Variants in NPAS3 observed in about 807,000 individuals in gnomAD.
NPAS3 encodes the protein neuronal PAS domain protein 3.
NPAS3 carries 14 observed loss-of-function variants against 73.1 expected under a neutral mutation model. The observed-to-expected ratio is 0.19, with a 90% CI of 0.13 to 0.30. The LOEUF (loss-of-function observed/expected upper bound fraction) is 0.30, where lower values mean the gene tolerates loss of function less well. Among genes scored for constraint, NPAS3 ranks in the 10% least tolerant of loss-of-function variants. NPAS3 has a pLI of 1.00. For synonymous variants in NPAS3, 620 were observed against 541.5 expected, an observed-to-expected ratio of 1.14 and a Z score of -2.01; for missense variants, 1,096 against 1,250.0, an observed-to-expected ratio of 0.88 and a Z score of 1.86.
chr14:33,488,290 G>A (rs1344116431), intron 4 of NPAS3, among the ~76,000 whole-genome samples: 1 of 151,936 alleles, frequency 6.6e-6, no homozygotes, highest in Non-Finnish European at 1.5e-5. Flanking sequence ...GAACAAGCAG[G>A]AAGGTGGCAC....
intron 1 of NPAS3, among the ~76,000 whole-genome samples, chr14:32,996,311 C>G (rs1788120374): frequency 6.6e-6 from 1 of 152,124 alleles, no homozygotes; most frequent in African/African-American, 2.4e-5. Context: ...AGAAAATTTG[C>G]AACTGGATAA....
chr14:33,502,798 G>T (rs1368876828), intron 4 of NPAS3, among the ~76,000 whole-genome samples: 3 of 151,850 alleles, frequency 2.0e-5, no homozygotes, highest in African/African-American at 7.3e-5. Context: ...CTTACTGCAA[G>T]CTGTCCCCCA....
chr14:33,064,612 T>A (rs2041219414), intron 2 of NPAS3, among the ~76,000 whole-genome samples: 1 of 152,162 alleles, frequency 6.6e-6, no homozygotes. Flanking sequence ...AGTCGTAGAT[T>A]AGTTACCTCA....
chr14:33,097,779 G>A (rs2042465014), intron 2 of NPAS3, among the ~76,000 whole-genome samples: 1 of 152,138 alleles, frequency 6.6e-6, no homozygotes. Flanking sequence ...ATTTTCAAAT[G>A]TTTATGAGCC....
intron 4 of NPAS3, among the ~76,000 whole-genome samples, chr14:33,402,021 A>G (rs530566275): frequency 6.6e-5 from 10 of 152,250 alleles, no homozygotes; most frequent in Admixed American, 1.3e-4. Context: ...TGACCAAGGC[A>G]TGTCCCTACA....
chr14:33,801,403 A>C, downstream of NPAS3: 2 of 443,024 alleles, frequency 4.5e-6, no homozygotes, highest in Non-Finnish European at 8.1e-6. Flanking sequence ...GATGTCTTTC[A>C]TGTGTATATG....
chr14:33,012,888 C>T (rs1035743465), intron 1 of NPAS3, among the ~76,000 whole-genome samples: 13 of 152,106 alleles, frequency 8.5e-5, no homozygotes, highest in Non-Finnish European at 1.8e-4. Context: ...TATATATAAA[C>T]AGTGGCAAAG....
chr14:33,467,558 A>G (rs1016870581), intron 4 of NPAS3, among the ~76,000 whole-genome samples: 1 of 152,226 alleles, frequency 6.6e-6, no homozygotes, highest in Non-Finnish European at 1.5e-5. Context: ...AAAGAGAAAC[A>G]TGAACGCATC....
chr14:33,097,055 T>A (rs1488349454), intron 2 of NPAS3, among the ~76,000 whole-genome samples: 1 of 133,314 alleles, frequency 7.5e-6, no homozygotes, highest in Non-Finnish European at 1.7e-5. Context: ...TTGTTGCCAC[T>A]CTTTGTGCAA....
intron 5 of NPAS3, among the ~76,000 whole-genome samples, chr14:33,586,601 T>G (rs2056869927): frequency 6.6e-6 from 1 of 152,204 alleles, no homozygotes; most frequent in East Asian, 1.9e-4. Context: ...TAGTAGAACA[T>G]AGAAAGAATC....
At position 33,711,299 on chromosome 14, in the gene NPAS3, C is replaced by T. The variant is rs2060811360; in HGVS notation, c.734-23915C>T. On this transcript the variant is annotated intron_variant, in intron 6 of 11. Coordinates refer to ENST00000356141, the Ensembl canonical transcript of NPAS3. ...TGCAGTATGCCTCTTTCAGCACCTT[C>T]GTAACAATAACTGAACTGGCGGACG... Among the ~76,000 whole-genome samples the T allele has an allele frequency of 1.3e-5, 2 of 152,170 alleles. 1 individual carries two copies. Among genetic ancestry groups the T allele is most frequent in the African/African-American group, 4.8e-5 (2 of 41,422 alleles).
intron 3 of NPAS3, among the ~76,000 whole-genome samples, chr14:33,231,712 C>T (rs1281776882): frequency 2.0e-5 from 3 of 152,056 alleles, no homozygotes; most frequent in Admixed American, 6.6e-5. Flanking sequence ...TTTTCTTTCT[C>T]GTATGTAGAA....
At chr14:33,480,572 C>CT (rs2051277300) in intron 4 of NPAS3, among the ~76,000 whole-genome samples, 1 of 137,886 alleles carries the variant, frequency 7.3e-6, no homozygotes, top group African/African-American at 2.6e-5. Context: ...TCCCTCCCTC[C>CT]CTCTCTCTCT....
chr14:33,310,705 C>T (rs1266413678), intron 3 of NPAS3, among the ~76,000 whole-genome samples: 1 of 151,366 alleles, frequency 6.6e-6, no homozygotes, highest in East Asian at 2.0e-4. Flanking sequence ...GTCACCTCAT[C>T]AAGTCCTTGT....
intron 6 of NPAS3, among the ~76,000 whole-genome samples, chr14:33,686,534 G>A (rs1194792061): frequency 2.0e-5 from 3 of 152,110 alleles, no homozygotes; most frequent in Non-Finnish European, 2.9e-5. Flanking sequence ...TACTCACCAC[G>A]TGTCAGGCAC....
intron 4 of NPAS3, among the ~76,000 whole-genome samples, chr14:33,528,106 C>T (rs952792391): frequency 6.6e-6 from 1 of 151,960 alleles, no homozygotes; most frequent in African/African-American, 2.4e-5. Flanking sequence ...ATAGGTGAAG[C>T]GTTTATTCTT....
chr14:33,479,601 G>A (rs780178902), intron 4 of NPAS3, among the ~76,000 whole-genome samples: 1 of 152,192 alleles, frequency 6.6e-6, no homozygotes, highest in Non-Finnish European at 1.5e-5. Flanking sequence ...GATCCCTAGA[G>A]GGTACAGCAA....
intron 5 of NPAS3, among the ~76,000 whole-genome samples, chr14:33,661,773 A>G (rs980879886): frequency 2.6e-5 from 4 of 152,252 alleles, no homozygotes; most frequent in African/African-American, 9.6e-5. Flanking sequence ...ATAGATTTCA[A>G]ACAGATTTTA....
intron 3 of NPAS3, among the ~76,000 whole-genome samples, chr14:33,344,741 T>C (rs2044648651): frequency 6.6e-6 from 1 of 152,290 alleles, no homozygotes; most frequent in Non-Finnish European, 1.5e-5. Flanking sequence ...TTGAAAAAAT[T>C]TAATAGCGTA....
Sources: gnomAD v4.1 joint callset for allele counts (sites outside exome capture counted in the v4.1 genomes callset) on GRCh38, gnomAD v4.1.1 for gene constraint, MANE v1.5 for transcripts, NCBI Gene and HGNC (gene_info 2026-07-23, HGNC 2026-07-21) for gene names.